Variants in ZCWPW2 observed in about 807,000 individuals in gnomAD.
The protein encoded by ZCWPW2 is zinc finger CW-type PWWP domain protein 2.
In ZCWPW2, 45 loss-of-function variants were observed where a neutral mutation model predicts 46.6. The ratio of observed to expected loss-of-function variants is 0.96; its 90% CI spans 0.76 to 1.24. The LOEUF (loss-of-function observed/expected upper bound fraction) is 1.24. Among genes scored for constraint, ZCWPW2 ranks in the 50% most tolerant of loss-of-function variants. The pLI, the probability that ZCWPW2 is intolerant of heterozygous loss-of-function variation, is 0.00. For missense variants in ZCWPW2, 429 were observed against 403.9 expected (o/e 1.06, Z -0.53); for synonymous variants, 152 against 137.1 (o/e 1.11, Z -0.76).
intron 4 of ZCWPW2, among the ~76,000 whole-genome samples, chr3:28,463,175 C>T (rs981614252): frequency 3.3e-5 from 5 of 152,098 alleles, no homozygotes; most frequent in African/African-American, 1.2e-4. Context: ...TGTCTTTCTT[C>T]TCTTTCTATA....
intron 4 of ZCWPW2, among the ~76,000 whole-genome samples, chr3:28,440,484 G>A (rs1697706319): frequency 6.6e-6 from 1 of 152,212 alleles, no homozygotes; most frequent in African/African-American, 2.4e-5. Context: ...GGCTGTGGGA[G>A]AAACAGTACC....
intron 5 of ZCWPW2, among the ~76,000 whole-genome samples, chr3:28,481,896 TCTC>T (rs1389923837): frequency 1.3e-5 from 2 of 152,150 alleles, no homozygotes; most frequent in East Asian, 1.9e-4. Context: ...TTCCCATATA[TCTC>T]CTCCTCACAA....
intron 6 of ZCWPW2, among the ~76,000 whole-genome samples, chr3:28,502,040 A>G (rs1051039153): frequency 6.6e-6 from 1 of 152,080 alleles, no homozygotes; most frequent in Non-Finnish European, 1.5e-5. Context: ...TTCTTTTCAT[A>G]CTAATTTCAT....
intron 6 of ZCWPW2, among the ~76,000 whole-genome samples, chr3:28,505,323 C>T (rs1700247221): frequency 1.3e-5 from 2 of 152,150 alleles, no homozygotes; most frequent in Non-Finnish European, 2.9e-5. Flanking sequence ...ACTGGTCTCT[C>T]ACATTGTTCA....
chr3:28,430,106 CACTG>C (rs1559501128), intron 3 of ZCWPW2, among the ~76,000 whole-genome samples: 1 of 152,160 alleles, frequency 6.6e-6, no homozygotes, highest in African/African-American at 2.4e-5. Context: ...ATGGTAGATC[CACTG>C]ACAGCTTGCA....
At chr3:28,421,440 G>A (rs1227725593) in intron 3 of ZCWPW2, among the ~76,000 whole-genome samples, 2 of 152,152 alleles carry the variant, frequency 1.3e-5, no homozygotes, top group Admixed American at 6.5e-5. Flanking sequence ...GGGGGTAAAT[G>A]TGGAGGCCAT....
intron 1 of ZCWPW2, among the ~76,000 whole-genome samples, chr3:28,385,719 A>T (rs964199796): frequency 2.0e-5 from 3 of 152,142 alleles, no homozygotes; most frequent in African/African-American, 7.2e-5. Flanking sequence ...AGGACATCAT[A>T]TCTTTGGGAG....
chr3:28,380,975 GTATATATATATATATATATATTTGGTA>G (rs1695050697), intron 1 of ZCWPW2, among the ~76,000 whole-genome samples: 3 of 6,732 alleles, frequency 4.5e-4, no homozygotes, highest in Non-Finnish European at 3.7e-4. Context: ...TATATATTTG[GTATATATATATATATATATATTTGGTA>G]TATATATATA....
chr3:28,441,615 A>G (rs947220909), intron 4 of ZCWPW2, among the ~76,000 whole-genome samples: 1 of 152,084 alleles, frequency 6.6e-6, no homozygotes, highest in Non-Finnish European at 1.5e-5. Flanking sequence ...TGGGGGAGAG[A>G]AGGCAGGGTG....
chr3:28,428,675 G>A (rs1342817766), intron 3 of ZCWPW2, among the ~76,000 whole-genome samples: 2 of 152,108 alleles, frequency 1.3e-5, no homozygotes, highest in East Asian at 1.9e-4. Context: ...TAATCTCCAC[G>A]TGTTGGGGGC....
At chr3:28,481,090 C>T (rs746573309) in intron 5 of ZCWPW2, among the ~76,000 whole-genome samples, 6 of 151,972 alleles carry the variant, frequency 3.9e-5, no homozygotes, top group Non-Finnish European at 8.8e-5. Context: ...TGGTCTTGAA[C>T]TTCCCATTGC....
intron 6 of ZCWPW2, among the ~76,000 whole-genome samples, chr3:28,498,651 C>CT (rs35895836): frequency 0.064 from 9,304 of 145,098 alleles, 303 homozygotes; most frequent in African/African-American, 0.081. Flanking sequence ...TTAGCTATGC[C>CT]TTTTTTTTTT....
At chr3:28,492,095 T>C in intron 5 of ZCWPW2, 32 bp from the exon 6 acceptor site, 1 of 1,605,194 alleles carries the variant, frequency 6.2e-7, no homozygotes, top group Non-Finnish European at 8.5e-7. Context: ...ATAGGCACTT[T>C]TTTGAAGCAG....
At chr3:28,377,654 C>T (rs533536459) in intron 1 of ZCWPW2, among the ~76,000 whole-genome samples, 10 of 152,060 alleles carry the variant, frequency 6.6e-5, no homozygotes, top group African/African-American at 1.7e-4. Context: ...AGTAACTAAG[C>T]CGTCTAAATT....
chr3:28,523,791 T>C (rs1213116864), intron 9 of ZCWPW2, among the ~76,000 whole-genome samples: 4 of 152,162 alleles, frequency 2.6e-5, no homozygotes, highest in Non-Finnish European at 1.5e-5. Context: ...TTCCTAATTA[T>C]GTTCTTCTTA....
In ZCWPW2 at chr3:28,401,211, C is replaced by A. The variant is rs150365529; in HGVS notation, c.-14+10594C>A. On this transcript the variant is annotated intron_variant, in intron 2 of 9. Transcript: ENST00000383768. ...AACAAACAAAAAAGACAAAAAGAAA[C>A]AAAAAAAGCAAGGTATACAGGTAAC... Among the ~76,000 whole-genome samples, 380 of 151,076 alleles carry A rather than the reference C, an allele frequency of 2.5e-3. 1 individual carries two copies. Among genetic ancestry groups the A allele is most frequent in the African/African-American group, 8.4e-3 (345 of 41,238 alleles).
chr3:28,484,274 A>G (rs931087657), intron 5 of ZCWPW2, among the ~76,000 whole-genome samples: 3 of 151,870 alleles, frequency 2.0e-5, no homozygotes, highest in African/African-American at 7.3e-5. Context: ...TTGGTTTCCA[A>G]TTTTTGAACT....
intron 4 of ZCWPW2, among the ~76,000 whole-genome samples, chr3:28,474,686 C>T (rs1699170221): frequency 6.6e-6 from 1 of 151,500 alleles, no homozygotes; most frequent in Admixed American, 6.6e-5. Context: ...AGTTTATCTG[C>T]AGGTAAGTTT....
intron 1 of ZCWPW2, among the ~76,000 whole-genome samples, chr3:28,387,315 C>T (rs1695315716): frequency 6.6e-6 from 1 of 152,054 alleles, no homozygotes; most frequent in African/African-American, 2.4e-5. Flanking sequence ...AAGGATTCCC[C>T]ATCATTTCTA....
Sources: gnomAD v4.1 joint callset for allele counts (sites outside exome capture counted in the v4.1 genomes callset) on GRCh38, gnomAD v4.1.1 for gene constraint, MANE v1.5 for transcripts, NCBI Gene and HGNC (gene_info 2026-07-23, HGNC 2026-07-21) for gene names.